Variants in CRADD observed in about 807,000 individuals in gnomAD.
CRADD encodes death domain-containing protein CRADD.
In CRADD, 9 loss-of-function variants were observed where a neutral mutation model predicts 15.5. That is an observed-to-expected ratio of 0.58 (90% CI 0.35 to 1.01). The LOEUF is 1.01. Among genes scored for constraint, CRADD ranks in the 50% least tolerant of loss-of-function variants. The pLI, the probability that CRADD is intolerant of heterozygous loss-of-function variation, is 0.02. For synonymous variants in CRADD, 118 were observed against 107.6 expected (o/e 1.10, Z -0.60); for missense variants, 227 against 250.3 (o/e 0.91, Z 0.63).
chr12:93,802,504 G>A (rs1049187206), intron 2 of CRADD, among the ~76,000 whole-genome samples: 1 of 124,718 alleles, frequency 8.0e-6, no homozygotes, highest in Admixed American at 8.4e-5. Context: ...CTGGGCCAGG[G>A]GCCAGGCCAC....
chr12:93,868,757 A>G (rs907147360), intron 2 of CRADD, among the ~76,000 whole-genome samples: 2 of 152,000 alleles, frequency 1.3e-5, no homozygotes, highest in South Asian at 2.1e-4. Flanking sequence ...GATATTATAC[A>G]TATTGAACTG....
intron 2 of CRADD, among the ~76,000 whole-genome samples, chr12:93,842,023 C>CT (rs1958054042): frequency 1.3e-5 from 2 of 152,198 alleles, no homozygotes; most frequent in South Asian, 4.1e-4. Flanking sequence ...CTTACAACAT[C>CT]TCCTCTCATA....
intron 2 of CRADD, among the ~76,000 whole-genome samples, chr12:93,870,728 T>C (rs1386276068): frequency 1.3e-5 from 2 of 152,186 alleles, no homozygotes; most frequent in African/African-American, 2.4e-5. Flanking sequence ...AAGCCCGTTA[T>C]AGAGTGGGGA....
At chr12:93,814,935 A>T (rs1281101617) in intron 2 of CRADD, among the ~76,000 whole-genome samples, 5 of 152,212 alleles carry the variant, frequency 3.3e-5, no homozygotes, top group Admixed American at 3.3e-4. Flanking sequence ...TGCTCAAATT[A>T]TGCAGTGTTT....
intron 2 of CRADD, among the ~76,000 whole-genome samples, chr12:93,702,201 C>G (rs1368806206): frequency 6.6e-6 from 1 of 152,060 alleles, no homozygotes; most frequent in East Asian, 1.9e-4. Flanking sequence ...AGCAAATAGA[C>G]TTTTTGGCTC....
chr12:93,862,052 C>T (rs188633668), intron 2 of CRADD, among the ~76,000 whole-genome samples: 69 of 152,286 alleles, frequency 4.5e-4, no homozygotes, highest in African/African-American at 1.4e-3. Context: ...TACCTGCCAC[C>T]ATGTAAGAGA....
intron 2 of CRADD, among the ~76,000 whole-genome samples, chr12:93,809,807 C>A (rs1181301761): frequency 6.6e-6 from 1 of 152,172 alleles, no homozygotes; most frequent in Admixed American, 6.5e-5. Context: ...CATAGCCCTC[C>A]CTTGGTGGAT....
At chr12:93,861,167 C>T (rs1169306200) in intron 2 of CRADD, among the ~76,000 whole-genome samples, 10 of 152,180 alleles carry the variant, frequency 6.6e-5, no homozygotes, top group Admixed American at 6.5e-4. Flanking sequence ...GGAGCAGAGG[C>T]TGCAGGGTGG....
At chr12:93,893,668 G>A (rs1031371968) in intron 2 of CRADD, among the ~76,000 whole-genome samples, 7 of 152,162 alleles carry the variant, frequency 4.6e-5, no homozygotes, top group African/African-American at 1.7e-4. Flanking sequence ...CACTTTGGGA[G>A]GCTGAGATGG....
intron 2 of CRADD, among the ~76,000 whole-genome samples, chr12:93,793,031 TCATTATATA>T (rs1957367860): frequency 6.6e-6 from 1 of 152,212 alleles, no homozygotes; most frequent in South Asian, 2.1e-4. Context: ...CACATATGTA[TCATTATATA>T]CTCAGAGTTT....
chr12:93,784,441 A>C (rs1957251046), intron 2 of CRADD, among the ~76,000 whole-genome samples: 1 of 152,052 alleles, frequency 6.6e-6, no homozygotes. Context: ...TAAATGGCAG[A>C]GCTGGGCTCT....
chr12:93,768,922 T>A (rs898316612), intron 2 of CRADD, among the ~76,000 whole-genome samples: 11 of 152,284 alleles, frequency 7.2e-5, no homozygotes, highest in African/African-American at 2.6e-4. Flanking sequence ...TGTCTGTAGT[T>A]TTTGATTTTT....
intron 2 of CRADD, among the ~76,000 whole-genome samples, chr12:93,751,623 G>A (rs1478431852): frequency 6.6e-6 from 1 of 152,188 alleles, no homozygotes; most frequent in South Asian, 2.1e-4. Flanking sequence ...CCAGCACTTT[G>A]GAAGGCGGAG....
chr12:93,733,124 T>C (rs1298323019), intron 2 of CRADD, among the ~76,000 whole-genome samples: 1 of 152,216 alleles, frequency 6.6e-6, no homozygotes, highest in Non-Finnish European at 1.5e-5. Context: ...AAAGTCAGTA[T>C]TCAATGAATG....
intron 2 of CRADD, among the ~76,000 whole-genome samples, chr12:93,889,127 C>T (rs1432719724): frequency 1.3e-5 from 2 of 152,160 alleles, no homozygotes; most frequent in East Asian, 3.9e-4. Context: ...AGGCTAGCTC[C>T]AGCAGCCCTG....
chr12:93,862,319 C>A (rs1958325340), intron 2 of CRADD, among the ~76,000 whole-genome samples: 2 of 152,194 alleles, frequency 1.3e-5, no homozygotes, highest in African/African-American at 2.4e-5. Context: ...TTATCATACA[C>A]CCCGAGGATA....
At chr12:93,848,394 G>A (rs937054661) in intron 2 of CRADD, among the ~76,000 whole-genome samples, 8 of 152,188 alleles carry the variant, frequency 5.3e-5, no homozygotes, top group Non-Finnish European at 1.0e-4. Flanking sequence ...TTGTAATAAG[G>A]TGCCTTTGCC....
intron 2 of CRADD, among the ~76,000 whole-genome samples, chr12:93,833,739 A>C (rs1446937130): frequency 7.7e-6 from 1 of 129,934 alleles, no homozygotes; most frequent in Non-Finnish European, 1.7e-5. Flanking sequence ...AACTTTGAAC[A>C]AACATTTTTT....
At chr12:93,883,147 G>A (rs951235836) in intron 2 of CRADD, among the ~76,000 whole-genome samples, 3 of 152,168 alleles carry the variant, frequency 2.0e-5, no homozygotes, top group African/African-American at 4.8e-5. Flanking sequence ...CTGTGAAGAC[G>A]AGATCACTCT....
Sources: gnomAD v4.1 joint callset for allele counts (sites outside exome capture counted in the v4.1 genomes callset) on GRCh38, gnomAD v4.1.1 for gene constraint, MANE v1.5 for transcripts, NCBI Gene and HGNC (gene_info 2026-07-23, HGNC 2026-07-21) for gene names.